The following CACHD1 variants were observed in gnomAD, a reference collection of about 807,000 sequenced individuals.
The protein encoded by CACHD1 is cache domain containing 1.
In CACHD1, 71 loss-of-function variants were observed where a neutral mutation model predicts 138.7. The observed-to-expected ratio is 0.51, with a 90% CI of 0.42 to 0.62. The LOEUF (loss-of-function observed/expected upper bound fraction) is 0.62, where lower values mean the gene tolerates loss of function less well. Among genes scored for constraint, CACHD1 ranks in the 20% least tolerant of loss-of-function variants. The probability of loss-of-function intolerance (pLI) is 0.00; values close to 1 mark genes in which losing one functional copy is unlikely to be tolerated. For missense variants in CACHD1, 1,389 were observed against 1,625.3 expected (o/e 0.85, Z 2.50); for synonymous variants, 578 against 591.5 (o/e 0.98, Z 0.33).
At chr1:64,543,933 C>A (rs112419766) in intron 1 of CACHD1, among the ~76,000 whole-genome samples, 29 of 143,952 alleles carry the variant, frequency 2.0e-4, no homozygotes, top group African/African-American at 7.0e-4. Flanking sequence ...GATCCACCGG[C>A]CTCGGCCTCC....
Position 64,671,608 on chromosome 1 carries a change from A to C in CACHD1, c.2432A>C (p.Asp811Ala), listed in dbSNP as rs770794779. 5 of 1,613,748 alleles carry C rather than the reference A, an allele frequency of 3.1e-6. No homozygotes were observed. In the Admixed American group the frequency reaches 5.0e-5, roughly 16 times the overall value. The part of the protein sequence containing the change: ...SGHTVAVMGI[D>A]FTLRYFYKVL... ...CACACTGTGGCTGTGATGGGCATTG[A>C]CTTCACACTCAGATACTTCTACAAA... Residue 811 changes from aspartate (D) to alanine (A), a missense_variant, in exon 17 of 27, where the codon GAC becomes GCC. By Grantham distance (126) the Asp-to-Ala change is moderately radical (BLOSUM62 -2). Transcript: ENST00000651257.
intron 2 of CACHD1, among the ~76,000 whole-genome samples, chr1:64,580,081 G>A (rs951255938): frequency 6.6e-6 from 1 of 152,140 alleles, no homozygotes; most frequent in Non-Finnish European, 1.5e-5. Flanking sequence ...TTAGTTGCAA[G>A]CTGCTGTTTA....
chr1:64,622,831 C>G (rs986171941), intron 4 of CACHD1, among the ~76,000 whole-genome samples: 1 of 152,180 alleles, frequency 6.6e-6, no homozygotes, highest in Non-Finnish European at 1.5e-5. Context: ...TACATTTTCA[C>G]TGTTTTATTA....
chr1:64,665,343 C>T (rs1649594464), intron 15 of CACHD1, among the ~76,000 whole-genome samples: 1 of 151,880 alleles, frequency 6.6e-6, no homozygotes, highest in South Asian at 2.1e-4. Flanking sequence ...ACCTGTAGTC[C>T]CAGCTACTCA....
chr1:64,691,228 C>A, intron 26 of CACHD1, 95 bp from the exon 27 acceptor site: 1 of 1,120,876 alleles, frequency 8.9e-7, no homozygotes, highest in Non-Finnish European at 1.3e-6. Context: ...ATTGCAAAGA[C>A]AGGAATACCT....
intron 13 of CACHD1, among the ~76,000 whole-genome samples, chr1:64,660,839 C>T (rs1251262022): frequency 6.6e-6 from 1 of 152,168 alleles, no homozygotes; most frequent in Admixed American, 6.5e-5. Flanking sequence ...TTTTGCTTTT[C>T]TTAATGTGGC....
chr1:64,543,427 T>TATATATATATATATATA (rs1646693613), intron 1 of CACHD1, among the ~76,000 whole-genome samples: 1 of 68,392 alleles, frequency 1.5e-5, no homozygotes, highest in African/African-American at 6.6e-5. Flanking sequence ...ATATATATAT[T>TATATATATATATATATA]TAAATTAGCC....
intron 1 of CACHD1, among the ~76,000 whole-genome samples, chr1:64,479,528 T>A (rs1041803004): frequency 3.3e-5 from 5 of 152,084 alleles, no homozygotes; most frequent in Non-Finnish European, 7.4e-5. Flanking sequence ...AGAGAACTAG[T>A]GGGAAGAAAG....
intron 1 of CACHD1, among the ~76,000 whole-genome samples, chr1:64,495,952 G>C (rs1646304224): frequency 6.6e-6 from 1 of 152,124 alleles, no homozygotes; most frequent in Admixed American, 6.5e-5. Flanking sequence ...CTGGGACCTT[G>C]GTAGCTATAT....
chr1:64,634,032 T>TTTTTTC lies in CACHD1; in HGVS notation c.790-12_790-11insTTTTTC. 2 of 1,572,034 alleles carry TTTTTTC rather than the reference T, an allele frequency of 1.3e-6. No homozygotes were observed. Among genetic ancestry groups the TTTTTTC allele is most frequent in the Non-Finnish European group, 1.7e-6 (2 of 1,160,128 alleles). ...CAAGTTTGGTGGTTTTTTTTTTTTT[T>TTTTTTC]CTTTCCTGCAGATTTCTGTGTTAAC... On this transcript the variant is annotated splice_polypyrimidine_tract_variant and intron_variant, in intron 6 of 26. Transcript: ENST00000651257.
chr1:64,666,848 C>CAAAAAAA, intron 16 of CACHD1, among the ~76,000 whole-genome samples: 1 of 33,944 alleles, frequency 2.9e-5, no homozygotes, highest in Non-Finnish European at 5.6e-5. Context: ...GATCCTGTCT[C>CAAAAAAA]AAAAAAAAAA....
intron 2 of CACHD1, among the ~76,000 whole-genome samples, chr1:64,572,626 G>T (rs1200682852): frequency 6.6e-6 from 1 of 152,124 alleles, no homozygotes; most frequent in Non-Finnish European, 1.5e-5. Context: ...TAAGCTGCTG[G>T]TCTCAACTGT....
intron 13 of CACHD1, among the ~76,000 whole-genome samples, chr1:64,659,476 A>G (rs542883625): frequency 1.3e-5 from 2 of 152,342 alleles, no homozygotes; most frequent in Admixed American, 1.3e-4. Context: ...CCTATCTTCA[A>G]AAGGGCTTAG....
At chr1:64,612,331 A>G (rs1051019899) in intron 4 of CACHD1, among the ~76,000 whole-genome samples, 2 of 152,184 alleles carry the variant, frequency 1.3e-5, no homozygotes, top group South Asian at 4.1e-4. Context: ...TACCTTTTCT[A>G]TCATACTGTG....
chr1:64,640,264 G>A (rs550497585), intron 7 of CACHD1, among the ~76,000 whole-genome samples: 95 of 152,306 alleles, frequency 6.2e-4, no homozygotes, highest in Middle Eastern at 3.4e-3. Context: ...GTTGCCTGCC[G>A]CAGTCACTTT....
intron 1 of CACHD1, among the ~76,000 whole-genome samples, chr1:64,543,121 GA>G (rs1646690134): frequency 1.3e-5 from 2 of 151,944 alleles, no homozygotes; most frequent in Non-Finnish European, 2.9e-5. Context: ...TTGATTGGAT[GA>G]AGAGTCTTTT....
chr1:64,582,233 C>T lies in CACHD1; in HGVS notation c.339C>T (p.Ser113=). Residue 113 remains serine, a synonymous_variant, in exon 3 of 27, where the codon TCC becomes TCT. Transcript: ENST00000651257. ...VNRNKQVVEA[S]YTAHLTSPLT... ...GGAACAAGCAAGTTGTAGAAGCATC[C>T]TATACGGCTCACCTAACCTCTCCCC... 7 of 1,613,982 alleles carry T rather than the reference C, an allele frequency of 4.3e-6. No individual in the cohort carries two copies. Among genetic ancestry groups the T allele is most frequent in the Non-Finnish European group, 5.9e-6 (7 of 1,179,860 alleles).
chr1:64,672,358 TATCAAATATAG>T (rs776238165), intron 17 of CACHD1, among the ~76,000 whole-genome samples: 79 of 152,348 alleles, frequency 5.2e-4, no homozygotes, highest in Middle Eastern at 3.4e-3. Flanking sequence ...TTATTGTTTC[TATCAAATATAG>T]ATCAAATATA....
chr1:64,543,413 A>ATATC (rs1553131391), intron 1 of CACHD1, among the ~76,000 whole-genome samples: 1 of 144,702 alleles, frequency 6.9e-6, no homozygotes, highest in Non-Finnish European at 1.5e-5. Flanking sequence ...ATATATATAT[A>ATATC]TATATATATA....
Sources: allele counts gnomAD v4.1 joint callset (sites outside exome capture counted in the v4.1 genomes callset), GRCh38; gene constraint gnomAD v4.1.1; transcripts MANE v1.5; gene names NCBI Gene and HGNC (gene_info 2026-07-23, HGNC 2026-07-21).